Variants in DCHS2 observed in about 807,000 individuals in gnomAD.
DCHS2 encodes the protein protocadherin-23.
A neutral mutation model predicts 182.4 loss-of-function variants in DCHS2; 142 were observed. The observed-to-expected ratio is 0.78, with a 90% CI of 0.68 to 0.89. DCHS2 has a LOEUF of 0.89. Ranked by LOEUF, DCHS2 falls within the 40% of genes least tolerant of loss-of-function variation. The pLI is 0.00. For synonymous variants in DCHS2, 1,740 were observed against 1,663.3 expected (o/e 1.05, Z -1.12); for missense variants, 4,319 against 4,198.6 (o/e 1.03, Z -0.79).
chr4:154,241,142 T>C (rs1731805510), intron 17 of DCHS2, among the ~76,000 whole-genome samples: 1 of 152,178 alleles, frequency 6.6e-6, no homozygotes, highest in African/African-American at 2.4e-5. Flanking sequence ...ATTTATAATA[T>C]ACACTTTCTG....
intron 1 of DCHS2, among the ~76,000 whole-genome samples, chr4:154,412,261 T>A (rs1018259077): frequency 6.6e-6 from 1 of 152,170 alleles, no homozygotes; most frequent in Non-Finnish European, 1.5e-5. Context: ...AAGAAGCATC[T>A]CTCTGAGCGC....
In DCHS2 at chr4:154,239,203, A is replaced by T; in HGVS notation, c.7459T>A (p.Ser2487Thr). 6.2e-7 allele frequency: 1 copy of T among 1,613,276 alleles called. No homozygotes were observed. The highest frequency in any genetic ancestry group is 8.5e-7 in the Non-Finnish European group (1 of 1,179,628). Residue 2487 changes from serine (S) to threonine (T), a missense_variant, in exon 19 of 20, where the codon TCT becomes ACT. Coordinates refer to ENST00000357232, the MANE Select transcript of DCHS2 (RefSeq NM_001358235.2). ...GGATCAATGGAGAATTCCTTAGAAG[A>T]GGATAGAATTCTGTAAGAAATGTTC... ...NENISYRILS[S>T]SKEFSIDPKN...
intron 1 of DCHS2, among the ~76,000 whole-genome samples, chr4:154,409,235 G>A (rs1328574130): frequency 6.6e-6 from 1 of 152,030 alleles, no homozygotes; most frequent in African/African-American, 2.4e-5. Context: ...TGCCTCCCAG[G>A]GCCCAAGTGA....
chr4:154,346,332 G>T (rs1353519213), intron 3 of DCHS2, among the ~76,000 whole-genome samples: 1 of 152,164 alleles, frequency 6.6e-6, no homozygotes, highest in Non-Finnish European at 1.5e-5. Context: ...GGAACAGACA[G>T]CCCCTACAAA....
At chr4:154,473,062 G>A (rs78385257) in intron 1 of DCHS2, among the ~76,000 whole-genome samples, 2,508 of 152,226 alleles carry the variant, frequency 0.016, 66 homozygotes, top group African/African-American at 0.057. Context: ...TGTGACCCTG[G>A]ATAAGCTACA....
At chr4:154,410,470 C>CAAAAAAA (rs61280673) in intron 1 of DCHS2, among the ~76,000 whole-genome samples, 8 of 70,346 alleles carry the variant, frequency 1.1e-4, no homozygotes, top group East Asian at 4.0e-4. Flanking sequence ...ACCCAGAGGG[C>CAAAAAAA]AAAAAAAAAA....
intron 10 of DCHS2, among the ~76,000 whole-genome samples, chr4:154,313,321 A>G (rs983489927): frequency 1.3e-5 from 2 of 152,132 alleles, no homozygotes; most frequent in Non-Finnish European, 2.9e-5. Flanking sequence ...TCCTTTTGAT[A>G]CAAGAAGAAA....
chr4:154,422,863 G>C (rs78541120), intron 1 of DCHS2, among the ~76,000 whole-genome samples: 1 of 152,198 alleles, frequency 6.6e-6, no homozygotes, highest in East Asian at 1.9e-4. Flanking sequence ...CAATTCCCAC[G>C]CATTCACCAA....
chr4:154,265,203 C>T (rs938303534), intron 14 of DCHS2, among the ~76,000 whole-genome samples: 5 of 151,946 alleles, frequency 3.3e-5, no homozygotes, highest in African/African-American at 7.3e-5. Flanking sequence ...ACACCAGCAC[C>T]GTCAGGAAAA....
chr4:154,355,245 C>G (rs950284546), intron 3 of DCHS2, among the ~76,000 whole-genome samples: 1 of 152,054 alleles, frequency 6.6e-6, no homozygotes, highest in African/African-American at 2.4e-5. Flanking sequence ...CCCACCAAGA[C>G]CAAGAAGGCA....
chr4:154,453,085 A>G (rs1734605351), intron 1 of DCHS2, among the ~76,000 whole-genome samples: 1 of 152,144 alleles, frequency 6.6e-6, no homozygotes, highest in South Asian at 2.1e-4. Context: ...GAGCATTAAG[A>G]ATAAAGAGAT....
chr4:154,395,564 C>G (rs1223203620), intron 1 of DCHS2, among the ~76,000 whole-genome samples: 1 of 152,206 alleles, frequency 6.6e-6, no homozygotes, highest in Admixed American at 6.5e-5. Flanking sequence ...ATCTCTGTAT[C>G]CTTCAATGCT....
Position 154,320,923 on chromosome 4 carries a change from G to C in DCHS2, c.4476C>G (p.Ser1492Arg). 1 of 1,614,034 alleles carries C rather than the reference G, an allele frequency of 6.2e-7. No homozygotes were observed. Among genetic ancestry groups the C allele is most frequent in the Non-Finnish European group, 8.5e-7 (1 of 1,180,004 alleles). ...CCACATCGATACTAAGGAAGACTGT[G>C]CTACTCAGGGAAAGGTTTTTGCTAT... ...TDHSKNLSLS[S>R]TVFLSIDVED... The change falls in exon 9 of 20, where the codon AGC (serine) becomes AGG (arginine). Residue 1492 changes from serine to arginine, a missense_variant. Coordinates refer to ENST00000357232, the MANE Select transcript of DCHS2 (RefSeq NM_001358235.2).
rs1464362357 is a variant in DCHS2 at position 154,235,316 on chromosome 4, C to T, written c.9336G>A (p.Glu3112=). 10 of 1,614,076 alleles carry T rather than the reference C, an allele frequency of 6.2e-6. No homozygotes were observed. Among genetic ancestry groups the T allele is most frequent in the Non-Finnish European group, 8.5e-6 (10 of 1,179,980 alleles). Residue 3112 remains glutamate, a synonymous_variant, in exon 20 of 20, where the codon GAG becomes GAA. Coordinates refer to ENST00000357232, the MANE Select transcript of DCHS2 (RefSeq NM_001358235.2). Reference sequence around the variant, plus strand: ...AGTCTGAGCACTTTCTGTAGGGATGCTCATTTATCCTCTGGATTTCCTTAT... The same window carrying T: ...AGTCTGAGCACTTTCTGTAGGGATGTTCATTTATCCTCTGGATTTCCTTAT... ...AEDKEIQRIN[E]HPYRKCSDSA...
chr4:154,239,976 T>G lies in DCHS2; in HGVS notation c.7359+561A>C, dbSNP rs927746377. ...CAAGCCTTCACAGGGGATCATTACT[T>G]AGGTTACCCTCCCCTTGTGTTTACA... On this transcript the variant is annotated intron_variant, in intron 18 of 19. Coordinates refer to ENST00000357232, the MANE Select transcript of DCHS2 (RefSeq NM_001358235.2). Among the ~76,000 whole-genome samples the G allele has an allele frequency of 4.6e-5, 7 of 152,294 alleles. No individual in the cohort carries two copies. In the East Asian group the frequency reaches 1.3e-3, roughly 29 times the overall value.
At chr4:154,457,799 G>A (rs1346261706) in intron 1 of DCHS2, among the ~76,000 whole-genome samples, 1 of 152,118 alleles carries the variant, frequency 6.6e-6, no homozygotes, top group East Asian at 1.9e-4. Context: ...GCCAGTTTCT[G>A]CTTCAGTACA....
chr4:154,243,200 C>A (rs1731909209), intron 16 of DCHS2, among the ~76,000 whole-genome samples: 1 of 152,072 alleles, frequency 6.6e-6, no homozygotes, highest in Admixed American at 6.6e-5. Flanking sequence ...AAAGATGTAG[C>A]CACTAAAAGA....
At chr4:154,433,395 CTT>C (rs61553613) in intron 1 of DCHS2, among the ~76,000 whole-genome samples, 112 of 103,862 alleles carry the variant, frequency 1.1e-3, no homozygotes, top group South Asian at 6.6e-3. Flanking sequence ...TTTTTTTTTC[CTT>C]TTTTTTTTTT....
chr4:154,443,134 G>C (rs1734107576), intron 1 of DCHS2, among the ~76,000 whole-genome samples: 1 of 151,948 alleles, frequency 6.6e-6, no homozygotes, highest in African/African-American at 2.4e-5. Context: ...TAAATTCCAT[G>C]GTCCACTGTT....
Sources: gnomAD v4.1 joint callset for allele counts (sites outside exome capture counted in the v4.1 genomes callset) on GRCh38, gnomAD v4.1.1 for gene constraint, MANE v1.5 for transcripts, NCBI Gene and HGNC (gene_info 2026-07-23, HGNC 2026-07-21) for gene names.